Variants in PCDHA11 observed in about 807,000 individuals in gnomAD.
PCDHA11 encodes the protein protocadherin alpha-11.
PCDHA11 carries 61 observed loss-of-function variants against 70.3 expected under a neutral mutation model. The observed-to-expected ratio is 0.87, with a 90% CI of 0.71 to 1.07. The LOEUF (loss-of-function observed/expected upper bound fraction) is 1.07, where lower values mean the gene tolerates loss of function less well. Among genes scored for constraint, PCDHA11 ranks in the 50% least tolerant of loss-of-function variants. PCDHA11 has a pLI of 0.00. For missense variants in PCDHA11, 1,324 were observed against 1,237.5 expected (o/e 1.07, Z -1.05); for synonymous variants, 633 against 555.1 (o/e 1.14, Z -1.97).
At chr5:140,972,797 G>A (rs1563419152) in intron 1 of PCDHA11, among the ~76,000 whole-genome samples, 3 of 151,664 alleles carry the variant, frequency 2.0e-5, no homozygotes, top group Admixed American at 2.0e-4. Flanking sequence ...CTGAGTAGCT[G>A]AGATTACAGG....
rs921095598 is a variant in PCDHA11 at position 140,929,476 on chromosome 5, T to C, written c.2392-49473T>C. 1.0e-5 allele frequency: 13 copies of C among 1,254,174 alleles called. No individual in the cohort carries two copies. In the African/African-American group the frequency reaches 2.0e-4, roughly 19 times the overall value. 77.7% of individuals were successfully genotyped at this position (1,254,174 alleles called of 1,614,324 possible). On this transcript the variant is annotated intron_variant, in intron 1 of 3. Coordinates refer to ENST00000398640, the MANE Select transcript of PCDHA11 (RefSeq NM_018902.5). ...CTTCCTGTGCCAAGAAATCTGGAAG[T>C]ATAGAAGTATTAGAAGATTGCCCTA...
At chr5:141,000,422 T>TATC (rs1491457105) in intron 3 of PCDHA11, among the ~76,000 whole-genome samples, 2 of 51,852 alleles carry the variant, frequency 3.9e-5, no homozygotes, top group African/African-American at 1.7e-4. Context: ...TATATATATA[T>TATC]TTTTTTTTTT....
At chr5:140,882,989 G>C (rs567590369) in intron 1 of PCDHA11, 2 of 1,614,130 alleles carry the variant, frequency 1.2e-6, no homozygotes, top group Non-Finnish European at 8.5e-7. Context: ...CAACGCCCCG[G>C]AATTTTACCA....
intron 1 of PCDHA11, chr5:140,884,153 G>T: frequency 6.2e-7 from 1 of 1,613,470 alleles, no homozygotes; most frequent in Non-Finnish European, 8.5e-7. Flanking sequence ...GCTGTACACT[G>T]GCGAGATCAG....
rs892987704 is a variant in PCDHA11, at chr5:140,988,405, C to A, written c.2539+5842C>A. Among the ~76,000 whole-genome samples, 31 of 152,248 alleles carry A rather than the reference C, an allele frequency of 2.0e-4. No individual in the cohort carries two copies. In the East Asian group the frequency reaches 5.6e-3, roughly 28 times the overall value. The stretch of plus-strand genomic sequence containing the variant: ...ATTGTGTTTGCCAGAGTTCTCTTCG[C>A]AGCTTATGTAAAGAATTTGTTTGTT... On this transcript the variant is annotated intron_variant, in intron 3 of 3. Transcript: ENST00000398640.
intron 1 of PCDHA11, among the ~76,000 whole-genome samples, chr5:140,969,719 T>G (rs1448594057): frequency 7.9e-5 from 12 of 152,220 alleles, no homozygotes; most frequent in Non-Finnish European, 1.5e-4. Flanking sequence ...AGGGAAATTT[T>G]TCTTTTGAAA....
chr5:140,946,634 A>ATATAT (rs1554217761), intron 1 of PCDHA11, among the ~76,000 whole-genome samples: 3 of 147,374 alleles, frequency 2.0e-5, no homozygotes, highest in Admixed American at 6.8e-5. Context: ...ATATATATAC[A>ATATAT]ATGGAATACT....
chr5:140,923,959 C>A (rs2153570659), intron 1 of PCDHA11, among the ~76,000 whole-genome samples: 1 of 152,348 alleles, frequency 6.6e-6, no homozygotes, highest in Non-Finnish European at 1.5e-5. Context: ...ACGCCCTAAT[C>A]TATACCCACA....
chr5:140,922,101 G>A (rs531054386), intron 1 of PCDHA11, among the ~76,000 whole-genome samples: 1 of 152,086 alleles, frequency 6.6e-6, no homozygotes, highest in Admixed American at 6.5e-5. Context: ...ACCAACTATA[G>A]ATAAATGAAA....
chr5:140,954,046 G>C (rs1554221229), intron 1 of PCDHA11, among the ~76,000 whole-genome samples: 1 of 152,124 alleles, frequency 6.6e-6, no homozygotes, highest in African/African-American at 2.4e-5. Context: ...TTGGTTTTCT[G>C]TTCCTGCATT....
chr5:140,911,187 G>A (rs911666410), intron 1 of PCDHA11, among the ~76,000 whole-genome samples: 1 of 152,102 alleles, frequency 6.6e-6, no homozygotes, highest in Non-Finnish European at 1.5e-5. Context: ...TGTGGGTTGG[G>A]GAGGACATGT....
intron 1 of PCDHA11, among the ~76,000 whole-genome samples, chr5:140,899,116 T>C (rs563698448): frequency 6.6e-6 from 1 of 152,246 alleles, no homozygotes; most frequent in South Asian, 2.1e-4. Flanking sequence ...TTTCTAGATA[T>C]ACAATCATGT....
chr5:140,974,221 T>A (rs75147433), intron 1 of PCDHA11, among the ~76,000 whole-genome samples: 1,739 of 152,246 alleles, frequency 0.011, 25 homozygotes, highest in Non-Finnish European at 0.017. Context: ...TAAAGAGAAA[T>A]CTTAGTTCCT....
At chr5:140,886,403 AT>A (rs1196342524) in intron 1 of PCDHA11, among the ~76,000 whole-genome samples, 19 of 152,184 alleles carry the variant, frequency 1.2e-4, no homozygotes, top group African/African-American at 4.6e-4. Context: ...CATCACAAAT[AT>A]GTTTTCCTCC....
rs151084513 is a variant in PCDHA11, at chr5:140,927,608, G to T, written c.2392-51341G>T. The T allele has an allele frequency of 1.2e-6, 2 of 1,614,168 alleles. No individual in the cohort carries two copies. The highest frequency in any genetic ancestry group is 3.3e-4 in the Middle Eastern group (2 of 6,062). Reference sequence around the variant, plus strand: ...CCTGTATTTGAGCGCTCCGTATACCGCACCAAGGTTCCAGAGACTGCACCC... The same window carrying T: ...CCTGTATTTGAGCGCTCCGTATACCTCACCAAGGTTCCAGAGACTGCACCC... On this transcript the variant is annotated intron_variant, in intron 1 of 3. Coordinates refer to ENST00000398640, the MANE Select transcript of PCDHA11 (RefSeq NM_018902.5).
chr5:140,884,042 G>A (rs1554181105), intron 1 of PCDHA11: 4 of 1,613,464 alleles, frequency 2.5e-6, no homozygotes, highest in Non-Finnish European at 3.4e-6. Flanking sequence ...CCACGTGGTG[G>A]CGAAGGTGCG....
At chr5:140,873,403 GT>G (rs2054272319) in intron 1 of PCDHA11, among the ~76,000 whole-genome samples, 1 of 152,046 alleles carries the variant, frequency 6.6e-6, no homozygotes, top group South Asian at 2.1e-4. Flanking sequence ...TTCAGTACAG[GT>G]TAAAATTTTG....
At chr5:140,967,879 T>C in intron 1 of PCDHA11, 1 of 1,614,104 alleles carries the variant, frequency 6.2e-7, no homozygotes, top group Non-Finnish European at 8.5e-7. Context: ...CGGACCTGTA[T>C]AGCCCAGTGC....
intron 1 of PCDHA11, among the ~76,000 whole-genome samples, chr5:140,886,084 G>C (rs1554182347): frequency 6.6e-6 from 1 of 152,140 alleles, no homozygotes; most frequent in East Asian, 1.9e-4. Flanking sequence ...CCACAACCTG[G>C]ATATTGACAT....
Sources: gnomAD v4.1 joint callset for allele counts (sites outside exome capture counted in the v4.1 genomes callset) on GRCh38, gnomAD v4.1.1 for gene constraint, MANE v1.5 for transcripts, NCBI Gene and HGNC (gene_info 2026-07-23, HGNC 2026-07-21) for gene names.